NCAPG: variants seen among roughly 807,000 people sequenced by gnomAD.
NCAPG encodes the protein non-SMC condensin I complex subunit G.
Under a neutral mutation model 113.1 loss-of-function variants are expected in NCAPG, and 69 were observed. The observed-to-expected ratio is 0.61, with a 90% CI of 0.50 to 0.75. The LOEUF is 0.75. Among genes scored for constraint, NCAPG ranks in the 30% least tolerant of loss-of-function variants. The pLI, the probability that NCAPG is intolerant of heterozygous loss-of-function variation, is 0.00. For missense variants in NCAPG, 1,058 were observed against 1,177.0 expected (o/e 0.90, Z 1.48); for synonymous variants, 370 against 415.8 (o/e 0.89, Z 1.34).
At position 17,828,065 on chromosome 4, in the gene NCAPG, T is replaced by C. The variant is rs577413709; in HGVS notation, c.1654-213T>C. 9.2e-5 allele frequency among the ~76,000 whole-genome samples: 14 copies of C among 152,240 alleles called. No homozygotes were observed. In the East Asian group the frequency reaches 2.5e-3, roughly 27 times the overall value. ...ATTTACCTGCCTTGGCCCCCCAAAG[T>C]GCTAGGATTACAGGCGTGAGTCGTT... On this transcript the variant is annotated intron_variant, in intron 11 of 20. Coordinates refer to ENST00000251496, the MANE Select transcript of NCAPG (RefSeq NM_022346.5).
At position 17,811,596 on chromosome 4, in the gene NCAPG, T is replaced by A. The variant is rs16895796; in HGVS notation, c.111+408T>A. ...TGGTCGTTGCCCCTGGGGTCATCGCTCCCCGCCGAACATCAAATGATTCTA... is the reference window on the plus strand; with the variant it reads ...TGGTCGTTGCCCCTGGGGTCATCGCACCCCGCCGAACATCAAATGATTCTA... On this transcript the variant is annotated intron_variant, in intron 1 of 20. Coordinates refer to ENST00000251496, the MANE Select transcript of NCAPG (RefSeq NM_022346.5). This position sits in a 1 kb window ranked among gnomAD's most constrained non-coding sequence, Gnocchi z 5.3. 0.091 allele frequency among the ~76,000 whole-genome samples: 13,858 copies of A among 152,136 alleles called. 1,199 individuals carry two copies. Among genetic ancestry groups the A allele is most frequent in the African/African-American group, 0.23 (9,429 of 41,480 alleles).
rs537089727 is a variant in NCAPG, at chr4:17,817,353, G to A, written c.868G>A (p.Val290Ile). ...NILELLHRLD[V>I]ENSSEVAVSV... The stretch of plus-strand genomic sequence containing the variant: ...CTTAGAGTTGCTCCATCGGTTGGAT[G>A]TAGAAAATTCTTCTGAAGTGGCAGT... Residue 290 changes from valine (V) to isoleucine (I), a missense_variant, in exon 6 of 21, where the codon GTA (valine) becomes ATA (isoleucine). Transcript: ENST00000251496. 4.2e-5 allele frequency: 67 copies of A among 1,614,072 alleles called. No homozygotes were observed. In the South Asian group the frequency reaches 7.0e-4, roughly 17 times the overall value.
chr4:17,811,135 C>A lies in NCAPG; in HGVS notation c.58C>A (p.Pro20Thr). 6.6e-7 allele frequency: 1 copy of A among 1,521,286 alleles called. No homozygotes were observed. 94.2% of individuals were successfully genotyped at this position (1,521,286 alleles called of 1,614,324 possible). The change falls in exon 1 of 21, where the codon CCG (proline) becomes ACG (threonine). Residue 20 changes from proline to threonine, a missense_variant. By Grantham distance (38) the Pro-to-Thr change is conservative. Coordinates refer to ENST00000251496, the MANE Select transcript of NCAPG (RefSeq NM_022346.5). The surrounding 1 kb of genome is among the most constrained non-coding windows in gnomAD (Gnocchi z 5.3). ...GGAGGCCTTTCGGCTGGCGCAGCAG[C>A]CGCACCAGAACCAGGCGAAGCTGGT... ...IKEAFRLAQQ[P>T]HQNQAKLVVA...
In NCAPG at chr4:17,835,452, AGAGT is replaced by A. The variant is rs1330880793; in HGVS notation, c.2109+931_2109+934del. 2.4e-3 allele frequency among the ~76,000 whole-genome samples: 367 copies of A among 152,276 alleles called. 1 individual carries two copies. Among genetic ancestry groups the A allele is most frequent in the African/African-American group, 7.9e-3 (328 of 41,564 alleles). ...AGTGATCCTCCTGCCTCAGCCTCCC[AGAGT>A]GCTGGGATTACAAGTGTGAGCCCTC... On this transcript the variant is annotated intron_variant, in intron 14 of 20. Coordinates refer to ENST00000251496, the MANE Select transcript of NCAPG (RefSeq NM_022346.5).
chr4:17,842,084 C>T, intron 19 of NCAPG: 1 of 420,110 alleles, frequency 2.4e-6, no homozygotes, highest in Non-Finnish European at 4.4e-6. Flanking sequence ...CTTATTTTCC[C>T]TTACTCATTA....
chr4:17,838,844 T>G (rs953406542), intron 16 of NCAPG, among the ~76,000 whole-genome samples: 25 of 152,120 alleles, frequency 1.6e-4, no homozygotes, highest in African/African-American at 6.0e-4. Context: ...TTGGAAAGAT[T>G]AATTTGGTGG....
chr4:17,833,251 A>C (rs1283443684), intron 13 of NCAPG, among the ~76,000 whole-genome samples: 1 of 151,868 alleles, frequency 6.6e-6, no homozygotes, highest in Non-Finnish European at 1.5e-5. Context: ...TGTGCCTGTA[A>C]TCCCAGCTAC....
In NCAPG at chr4:17,824,973, A is replaced by C; in HGVS notation, c.1389A>C (p.Thr463=). The C allele has an allele frequency of 6.2e-7, 1 of 1,610,788 alleles. No homozygotes were observed. The highest frequency in any genetic ancestry group is 1.1e-5 in the South Asian group (1 of 90,790). The change falls in exon 10 of 21, where the codon ACA becomes ACC. Residue 463 remains threonine (T), a synonymous_variant. Transcript: ENST00000251496. ...IDDNKRTQIV[T]EIISEIRAPI... ...CATGTACTCTGAACTTACAGGTTAC[A>C]GAAATTATCTCAGAGATTCGGGCGC...
chr4:17,823,235 A>T, intron 8 of NCAPG, 112 bp downstream of exon 8: 1 of 1,051,682 alleles, frequency 9.5e-7, no homozygotes, highest in Non-Finnish European at 1.4e-6. Context: ...CTAAAGTGGT[A>T]TAAAAAGTTT....
Position 17,840,643 on chromosome 4 carries a change from G to A in NCAPG, c.2804G>A (p.Gly935Asp). The change falls in exon 19 of 21, where the codon GGT becomes GAT. Residue 935 changes from glycine (G) to aspartate (D), a missense_variant. Physicochemically the swap from Gly to Asp is moderately conservative, Grantham distance 94 (BLOSUM62 -1). Transcript: ENST00000251496. Reference sequence around the variant, plus strand: ...GAAGTATATATGACTCCACTCAGGGGTGTAAAAGCAACCCAAGCATCAAAG... The same window carrying A: ...GAAGTATATATGACTCCACTCAGGGATGTAAAAGCAACCCAAGCATCAAAG... ...NKEVYMTPLRGVKATQASKST... is the reference protein window; with the variant it reads ...NKEVYMTPLRDVKATQASKST... 6.4e-7 allele frequency: 1 copy of A among 1,558,926 alleles called. No homozygotes were observed. Among genetic ancestry groups the A allele is most frequent in the Non-Finnish European group, 8.7e-7 (1 of 1,153,882 alleles).
chr4:17,827,369 T>G (rs1353499677), intron 11 of NCAPG, among the ~76,000 whole-genome samples: 1 of 152,102 alleles, frequency 6.6e-6, no homozygotes, highest in Non-Finnish European at 1.5e-5. Context: ...GATTGGAGAG[T>G]AGTAAAAGCT....
chr4:17,832,472 T>C (rs1721904280), intron 13 of NCAPG, among the ~76,000 whole-genome samples: 1 of 152,158 alleles, frequency 6.6e-6, no homozygotes, highest in Admixed American at 6.5e-5. Context: ...CGTTTTCCTA[T>C]GATGGGGAAA....
intron 7 of NCAPG, among the ~76,000 whole-genome samples, chr4:17,820,383 C>T (rs113260823): frequency 0.12 from 17,627 of 152,086 alleles, 1,141 homozygotes; most frequent in South Asian, 0.25. Flanking sequence ...CGGTGGATCA[C>T]GAGGTCAGGA....
In NCAPG at chr4:17,837,299, T is replaced by C. The variant is rs566976517; in HGVS notation, c.2250T>C (p.His750=). ...PVTEEDVQLR[H]CLGVFFPVFA... Reference sequence around the variant, plus strand: ...CTGAAGAGGATGTTCAACTTCGACATTGCCTAGGCGTGTTCTTCCCCGTGT... The same window carrying C: ...CTGAAGAGGATGTTCAACTTCGACACTGCCTAGGCGTGTTCTTCCCCGTGT... Residue 750 remains histidine (H), a synonymous_variant, in exon 15 of 21, where the codon CAT becomes CAC. Coordinates refer to ENST00000251496, the MANE Select transcript of NCAPG (RefSeq NM_022346.5). The C allele has an allele frequency of 5.0e-6, 8 of 1,613,890 alleles. No homozygotes were observed. The highest frequency in any genetic ancestry group is 4.5e-5 in the East Asian group (2 of 44,862).
chr4:17,821,213 T>G (rs1721443374), intron 7 of NCAPG, among the ~76,000 whole-genome samples: 1 of 152,174 alleles, frequency 6.6e-6, no homozygotes, highest in African/African-American at 2.4e-5. Context: ...AATGAAGGTT[T>G]TCTTTTAGCC....
intron 19 of NCAPG, chr4:17,841,882 G>GA (rs1007905632): frequency 6.6e-4 from 100 of 151,214 alleles, no homozygotes; most frequent in Admixed American, 1.9e-3. Context: ...CACCTTCCAA[G>GA]AAAAAAAAAA....
intron 1 of NCAPG, among the ~76,000 whole-genome samples, 153 bp from the exon 2 acceptor site, chr4:17,812,068 C>G (rs1263729109): frequency 6.6e-6 from 1 of 152,064 alleles, no homozygotes; most frequent in African/African-American, 2.4e-5. Flanking sequence ...AATTGATTGC[C>G]CTTTGGCTGG....
In NCAPG at chr4:17,843,582, GAGC is replaced by G. The variant is rs1209690745; in HGVS notation, c.*162_*164del. On this transcript the variant is annotated 3_prime_UTR_variant, in exon 21 of 21. Coordinates refer to ENST00000251496, the MANE Select transcript of NCAPG (RefSeq NM_022346.5). The stretch of plus-strand genomic sequence containing the variant: ...TACTTTGGCCTGTATTAAAGCAGTA[GAGC>G]AGCATCAGTTATTATAGTCCAGAAA... 1.5e-6 allele frequency: 1 copy of G among 687,054 alleles called. No individual in the cohort carries two copies. The highest frequency in any genetic ancestry group is 1.8e-5 in the African/African-American group (1 of 55,184). 42.6% of individuals were successfully genotyped at this position (687,054 alleles called of 1,614,324 possible).
chr4:17,841,374 A>G (rs1261148780), intron 19 of NCAPG: 1 of 151,868 alleles, frequency 6.6e-6, no homozygotes, highest in Admixed American at 6.6e-5. Flanking sequence ...ATGCAGATTT[A>G]ATTTTTTCTA....
Sources: allele counts gnomAD v4.1 joint callset (sites outside exome capture counted in the v4.1 genomes callset), GRCh38; gene constraint gnomAD v4.1.1; non-coding constraint Gnocchi (gnomAD v3.1); transcripts MANE v1.5; gene names NCBI Gene and HGNC (gene_info 2026-07-23, HGNC 2026-07-21).